Variants in GOLPH3 observed in about 807,000 individuals in gnomAD.
GOLPH3 encodes the protein coat protein GPP34.
In GOLPH3, 14 loss-of-function variants were observed where a neutral mutation model predicts 28.5. That is an observed-to-expected ratio of 0.49 (90% CI 0.32 to 0.77). The LOEUF (loss-of-function observed/expected upper bound fraction) is 0.77, where lower values mean the gene tolerates loss of function less well. Among genes scored for constraint, GOLPH3 ranks in the 30% least tolerant of loss-of-function variants. GOLPH3 has a pLI of 0.03. For missense variants in GOLPH3, 350 were observed against 393.7 expected (o/e 0.89, Z 0.94); for synonymous variants, 158 against 159.2 (o/e 0.99, Z 0.06).
rs769789538 is a variant in GOLPH3, at chr5:32,126,193, T to G, written c.*19A>C. On this transcript the variant is annotated 3_prime_UTR_variant, in exon 4 of 4. Transcript: ENST00000265070. ...CTGGTTTACTTGAGAGAAAGGAGAA[T>G]GGTTCACCCCGAGCAGAGTTACTTG... The G allele has an allele frequency of 2.3e-5, 36 of 1,587,070 alleles. No individual in the cohort carries two copies. The highest frequency in any genetic ancestry group is 2.7e-5 in the Non-Finnish European group (31 of 1,164,118).
At chr5:32,145,335 A>C (rs1746163463) in intron 1 of GOLPH3, among the ~76,000 whole-genome samples, 1 of 152,202 alleles carries the variant, frequency 6.6e-6, no homozygotes, top group Admixed American at 6.5e-5. Flanking sequence ...AGTCACTTTA[A>C]ACTTAGGGTC....
chr5:32,162,760 T>G (rs1328509035), intron 1 of GOLPH3, among the ~76,000 whole-genome samples: 1 of 152,124 alleles, frequency 6.6e-6, no homozygotes, highest in Non-Finnish European at 1.5e-5. Flanking sequence ...TCCCTACAAC[T>G]TAGAGGCTTT....
At chr5:32,153,311 C>G (rs1192983913) in intron 1 of GOLPH3, among the ~76,000 whole-genome samples, 1 of 151,456 alleles carries the variant, frequency 6.6e-6, no homozygotes, top group Non-Finnish European at 1.5e-5. Flanking sequence ...AAGATAAACT[C>G]TAACTTTTCA....
chr5:32,166,202 T>G (rs1581558368), intron 1 of GOLPH3, among the ~76,000 whole-genome samples: 1 of 152,216 alleles, frequency 6.6e-6, no homozygotes, highest in South Asian at 2.1e-4. Context: ...AGTAAATTTT[T>G]TTGTTGTTGT....
rs772604415 is a variant in GOLPH3, at chr5:32,173,895, T to C, written c.140A>G (p.Gln47Arg). The C allele has an allele frequency of 1.3e-6, 2 of 1,520,624 alleles. No homozygotes were observed. Among genetic ancestry groups the C allele is most frequent in the Admixed American group, 4.0e-5 (2 of 50,074 alleles). 94.2% of individuals were successfully genotyped at this position (1,520,624 alleles called of 1,614,324 possible). ...EDDAQSRRDEQDDDDKGDSKE... is the reference protein window; with the variant it reads ...EDDAQSRRDERDDDDKGDSKE... ...GGAGTCGCCCTTGTCGTCGTCGTCC[T>C]GCTCGTCGCGGCGGCTCTGCGCGTC... is the stretch of plus-strand genomic sequence containing the variant. The change falls in exon 1 of 4, where the codon CAG becomes CGG. Residue 47 changes from glutamine to arginine, a missense_variant. Coordinates refer to ENST00000265070, the MANE Select transcript of GOLPH3 (RefSeq NM_022130.4).
rs541564793 is a variant in GOLPH3 at position 32,141,713 on chromosome 5, T to C, written c.357+2036A>G. 7.8e-3 allele frequency among the ~76,000 whole-genome samples: 1,186 copies of C among 152,324 alleles called. 17 individuals are homozygous for C. The highest frequency in any genetic ancestry group is 0.027 in the African/African-American group (1,120 of 41,572). On this transcript the variant is annotated intron_variant, in intron 2 of 3. Transcript: ENST00000265070. ...CTGCAACCTCCCTGCCTGATTCTCC[T>C]GCCTCAGCTAGCCGAGTGCCTGCGA...
rs549844499 is a variant in GOLPH3, at chr5:32,173,816, G to A, written c.219C>T (p.Asp73=). ...MEEVLLLGLK[D]REGYTSFWND... is the part of the protein sequence containing the mutation. ...CAGCCCGCCGCGCCCGCACCTCGCG[G>A]TCCTTGAGGCCCAGCAGGAGCACTT... Residue 73 remains aspartate (D), a synonymous_variant, in exon 1 of 4, where the codon GAC becomes GAT. Transcript: ENST00000265070. 1.4e-5 allele frequency: 21 copies of A among 1,462,180 alleles called. No individual in the cohort carries two copies. Among genetic ancestry groups the A allele is most frequent in the South Asian group, 4.3e-5 (3 of 70,558 alleles). The allele number at this position is 1,462,180 out of a possible 1,614,324, so 90.6% of individuals were successfully genotyped here. A position where few individuals can be genotyped will look rare whatever the true frequency, so the allele number is the denominator to read the frequency against.
intron 1 of GOLPH3, among the ~76,000 whole-genome samples, chr5:32,158,964 C>G (rs1181878046): frequency 6.6e-6 from 1 of 152,164 alleles, no homozygotes; most frequent in Admixed American, 6.6e-5. Flanking sequence ...TCTTAGGAAA[C>G]CTTGTAAAGT....
At position 32,173,890 on chromosome 5, in the gene GOLPH3, C is replaced by A; in HGVS notation, c.145G>T (p.Asp49Tyr). The change falls in exon 1 of 4, where the codon GAC becomes TAC. Residue 49 changes from aspartate to tyrosine, a missense_variant. By Grantham distance (160) the Asp-to-Tyr change is radical. Coordinates refer to ENST00000265070, the MANE Select transcript of GOLPH3 (RefSeq NM_022130.4). Reference protein sequence around the residue: ...DAQSRRDEQDDDDKGDSKETR... With the variant: ...DAQSRRDEQDYDDKGDSKETR... ...TCCTTGGAGTCGCCCTTGTCGTCGT[C>A]GTCCTGCTCGTCGCGGCGGCTCTGC... The A allele has an allele frequency of 6.6e-7, 1 of 1,521,474 alleles. No individual in the cohort carries two copies. 94.2% of individuals were successfully genotyped at this position (1,521,474 alleles called of 1,614,324 possible).
intron 3 of GOLPH3, among the ~76,000 whole-genome samples, chr5:32,129,484 A>G (rs1745776566): frequency 6.6e-6 from 1 of 152,198 alleles, no homozygotes; most frequent in Non-Finnish European, 1.5e-5. Flanking sequence ...AAACATTAGG[A>G]TATACTTCTA....
chr5:32,127,327 C>T (rs1384448283), intron 3 of GOLPH3, among the ~76,000 whole-genome samples: 1 of 152,114 alleles, frequency 6.6e-6, no homozygotes, highest in African/African-American at 2.4e-5. Context: ...TTTTTTTGTG[C>T]TTTCTGCATT....
Position 32,149,807 on chromosome 5 carries a change from G to A in GOLPH3, c.226-5927C>T, listed in dbSNP as rs578112465. On this transcript the variant is annotated intron_variant, in intron 1 of 3. Coordinates refer to ENST00000265070, the MANE Select transcript of GOLPH3 (RefSeq NM_022130.4). The stretch of plus-strand genomic sequence containing the variant: ...AGGTCACGAGTTCAAGACCAGCCTG[G>A]CCAAGGCGGCAAAACCCCATCTCTA... Among the ~76,000 whole-genome samples, 18 of 152,244 alleles carry A rather than the reference G, an allele frequency of 1.2e-4. No homozygotes were observed. In the South Asian group the frequency reaches 3.3e-3, roughly 28 times the overall value.
intron 2 of GOLPH3, among the ~76,000 whole-genome samples, chr5:32,136,458 G>A (rs2111844577): frequency 6.6e-6 from 1 of 150,510 alleles, no homozygotes; most frequent in Non-Finnish European, 1.5e-5. Context: ...TCCAGACTGG[G>A]CAACAAGAGC....
chr5:32,143,880 C>A lies in GOLPH3; in HGVS notation c.226G>T (p.Gly76Cys). 3 of 1,518,690 alleles carry A rather than the reference C, an allele frequency of 2.0e-6. No individual in the cohort carries two copies. Among genetic ancestry groups the A allele is most frequent in the East Asian group, 2.5e-5 (1 of 40,444 alleles). The allele number at this position is 1,518,690 out of a possible 1,614,324, so 94.1% of individuals were successfully genotyped here. ...VLLLGLKDRE[G>C]YTSFWNDCIS... ...CAGTCATTCCAAAATGATGTGTAAC[C>A]CTATTAAAAAAAGAAGAAGAAATAA... Residue 76 changes from glycine to cysteine, a missense_variant and splice_region_variant, in exon 2 of 4, where the codon GGT becomes TGT. By Grantham distance (159) the Gly-to-Cys change is radical. Transcript: ENST00000265070.
chr5:32,170,168 A>G (rs1187179340), intron 1 of GOLPH3, among the ~76,000 whole-genome samples: 1 of 152,212 alleles, frequency 6.6e-6, no homozygotes. Flanking sequence ...ACAAAGGACA[A>G]TCTCACACGA....
chr5:32,154,197 T>C (rs1254677801), intron 1 of GOLPH3, among the ~76,000 whole-genome samples: 1 of 152,174 alleles, frequency 6.6e-6, no homozygotes, highest in African/African-American at 2.4e-5. Context: ...TAGATACCAC[T>C]GGAAGTAGCT....
chr5:32,174,099 T>C lies in GOLPH3; in HGVS notation c.-65A>G. On this transcript the variant is annotated 5_prime_UTR_variant, in exon 1 of 4. Transcript: ENST00000265070. ...AGGACCGACCGGGTCGCCCTCCTCC[T>C]CCCCGCGCGGCCTCCGATCCGGGTT... The C allele has an allele frequency of 3.6e-6, 4 of 1,112,968 alleles. No homozygotes were observed. The highest frequency in any genetic ancestry group is 4.5e-6 in the Non-Finnish European group (4 of 880,434). The allele number at this position is 1,112,968 out of a possible 1,614,324, so 68.9% of individuals were successfully genotyped here.
intron 1 of GOLPH3, among the ~76,000 whole-genome samples, chr5:32,152,126 C>A (rs1333896201): frequency 6.6e-6 from 1 of 151,198 alleles, no homozygotes; most frequent in Non-Finnish European, 1.5e-5. Context: ...GCATATTTTA[C>A]CTTTTTTTTT....
chr5:32,156,271 G>A (rs1746424818), intron 1 of GOLPH3, among the ~76,000 whole-genome samples: 1 of 152,110 alleles, frequency 6.6e-6, no homozygotes, highest in East Asian at 1.9e-4. Context: ...GCTGAGGTGG[G>A]CGGATCGCCT....
Sources: allele counts gnomAD v4.1 joint callset (sites outside exome capture counted in the v4.1 genomes callset), GRCh38; gene constraint gnomAD v4.1.1; transcripts MANE v1.5; gene names NCBI Gene and HGNC (gene_info 2026-07-23, HGNC 2026-07-21).